ADAMTS12: variants seen among roughly 807,000 people sequenced by gnomAD.
The protein encoded by ADAMTS12 is ADAM metallopeptidase with thrombospondin type 1 motif 12.
A neutral mutation model predicts 167.8 loss-of-function variants in ADAMTS12; 118 were observed. The ratio of observed to expected loss-of-function variants is 0.70; its 90% CI spans 0.61 to 0.82. ADAMTS12 has a LOEUF of 0.82. Among genes scored for constraint, ADAMTS12 ranks in the 40% least tolerant of loss-of-function variants. The pLI is 0.00. For synonymous variants in ADAMTS12, 704 were observed against 716.9 expected (o/e 0.98, Z 0.29); for missense variants, 1,916 against 1,998.8 (o/e 0.96, Z 0.79).
intron 3 of ADAMTS12, among the ~76,000 whole-genome samples, chr5:33,725,962 C>T (rs927912970): frequency 3.3e-5 from 5 of 152,198 alleles, no homozygotes; most frequent in African/African-American, 1.2e-4. Flanking sequence ...TATCTTAGAA[C>T]ATACATCCCT....
intron 2 of ADAMTS12, among the ~76,000 whole-genome samples, chr5:33,814,611 C>G (rs1747581769): frequency 6.6e-6 from 1 of 152,046 alleles, no homozygotes; most frequent in Non-Finnish European, 1.5e-5. Context: ...GATGAAATCA[C>G]CCAGGGAATA....
At chr5:33,826,673 T>C (rs532456020) in intron 2 of ADAMTS12, among the ~76,000 whole-genome samples, 2 of 152,044 alleles carry the variant, frequency 1.3e-5, no homozygotes, top group African/African-American at 4.8e-5. Context: ...CTGCCCATTA[T>C]TGGCTATTTA....
intron 21 of ADAMTS12, among the ~76,000 whole-genome samples, chr5:33,548,721 C>CACAA (rs948408948): frequency 6.6e-6 from 1 of 151,946 alleles, no homozygotes; most frequent in African/African-American, 2.4e-5. Context: ...CACACACACA[C>CACAA]ACACACACTC....
chr5:33,678,249 G>A (rs983723352), intron 5 of ADAMTS12, among the ~76,000 whole-genome samples: 4 of 152,272 alleles, frequency 2.6e-5, no homozygotes, highest in Non-Finnish European at 5.9e-5. Flanking sequence ...ACAGCAACTT[G>A]GCTGCCATTG....
intron 5 of ADAMTS12, among the ~76,000 whole-genome samples, chr5:33,681,081 T>C (rs1195848329): frequency 6.6e-6 from 1 of 152,198 alleles, no homozygotes; most frequent in Non-Finnish European, 1.5e-5. Flanking sequence ...AAAGGATATA[T>C]AGGTTTCATG....
chr5:33,747,794 C>A (rs1416948577), intron 3 of ADAMTS12, among the ~76,000 whole-genome samples: 1 of 152,138 alleles, frequency 6.6e-6, no homozygotes, highest in Non-Finnish European at 1.5e-5. Flanking sequence ...GATTCCAAAT[C>A]TCTTGTTAGT....
chr5:33,857,923 A>C (rs1382389118), intron 2 of ADAMTS12, among the ~76,000 whole-genome samples: 2 of 152,240 alleles, frequency 1.3e-5, no homozygotes, highest in Non-Finnish European at 2.9e-5. Context: ...TGGAGACTTC[A>C]ATACTTCTAT....
chr5:33,682,970 A>G (rs1259239262), intron 5 of ADAMTS12, 48 bp downstream of exon 5: 2 of 1,506,242 alleles, frequency 1.3e-6, no homozygotes, highest in South Asian at 2.4e-5. Context: ...AAAAGAAGGT[A>G]GGAAGTGCGA....
chr5:33,733,493 A>G (rs1202347006), intron 3 of ADAMTS12, among the ~76,000 whole-genome samples: 1 of 152,222 alleles, frequency 6.6e-6, no homozygotes, highest in Non-Finnish European at 1.5e-5. Flanking sequence ...AGTAAGAGAC[A>G]TTGTTAAGTT....
At chr5:33,722,917 CT>C (rs1743855311) in intron 3 of ADAMTS12, among the ~76,000 whole-genome samples, 1 of 152,138 alleles carries the variant, frequency 6.6e-6, no homozygotes, top group Non-Finnish European at 1.5e-5. Flanking sequence ...GAGGAAGTGC[CT>C]GATATACAGC....
At chr5:33,744,841 G>T (rs897245455) in intron 3 of ADAMTS12, among the ~76,000 whole-genome samples, 4 of 152,106 alleles carry the variant, frequency 2.6e-5, no homozygotes, top group Non-Finnish European at 5.9e-5. Flanking sequence ...ATGAAAGACA[G>T]GGTTTCACTG....
chr5:33,797,744 TTTC>T (rs575541033), intron 2 of ADAMTS12, among the ~76,000 whole-genome samples: 39 of 152,344 alleles, frequency 2.6e-4, no homozygotes, highest in African/African-American at 8.9e-4. Context: ...ACTGATGTGT[TTTC>T]TTCTTCTTAA....
intron 3 of ADAMTS12, among the ~76,000 whole-genome samples, chr5:33,720,060 C>T (rs1433826305): frequency 1.3e-5 from 2 of 151,972 alleles, no homozygotes; most frequent in Non-Finnish European, 2.9e-5. Flanking sequence ...CAGACATTTG[C>T]CAAACATTCC....
chr5:33,610,744 G>A (rs182667245), intron 16 of ADAMTS12, among the ~76,000 whole-genome samples: 56 of 152,206 alleles, frequency 3.7e-4, no homozygotes, highest in Non-Finnish European at 5.3e-4. Context: ...ATATATTCAC[G>A]GAACGGAATA....
intron 2 of ADAMTS12, among the ~76,000 whole-genome samples, chr5:33,778,354 A>G (rs1330680424): frequency 2.0e-5 from 3 of 152,198 alleles, no homozygotes; most frequent in Non-Finnish European, 4.4e-5. Flanking sequence ...TAGAGAGCTC[A>G]GCAGTAAACC....
intron 2 of ADAMTS12, among the ~76,000 whole-genome samples, chr5:33,865,313 C>T (rs77171810): frequency 0.03 from 4,557 of 151,392 alleles, 192 homozygotes; most frequent in East Asian, 0.2. Flanking sequence ...GATGTAGGGA[C>T]GATGGAAGTC....
chr5:33,821,813 C>T (rs1382922208), intron 2 of ADAMTS12, among the ~76,000 whole-genome samples: 1 of 152,176 alleles, frequency 6.6e-6, no homozygotes, highest in Non-Finnish European at 1.5e-5. Flanking sequence ...CCCAACATCA[C>T]CCTTTCAATC....
At chr5:33,708,266 A>G (rs1196117942) in intron 3 of ADAMTS12, among the ~76,000 whole-genome samples, 1 of 152,226 alleles carries the variant, frequency 6.6e-6, no homozygotes, top group African/African-American at 2.4e-5. Flanking sequence ...CATGCCTGTT[A>G]GAATGGCCAT....
At chr5:33,789,868 G>C (rs1446555424) in intron 2 of ADAMTS12, among the ~76,000 whole-genome samples, 1 of 152,028 alleles carries the variant, frequency 6.6e-6, no homozygotes, top group African/African-American at 2.4e-5. Context: ...GTTCAAGCCT[G>C]CCTCTCATGG....
Sources: gnomAD v4.1 joint callset for allele counts (sites outside exome capture counted in the v4.1 genomes callset) on GRCh38, gnomAD v4.1.1 for gene constraint, MANE v1.5 for transcripts, NCBI Gene and HGNC (gene_info 2026-07-23, HGNC 2026-07-21) for gene names.